Variants in SGCZ observed in about 807,000 individuals in gnomAD.
The protein encoded by SGCZ is zeta-sarcoglycan.
Under a neutral mutation model 41.3 loss-of-function variants are expected in SGCZ, and 40 were observed. The ratio of observed to expected loss-of-function variants is 0.97; its 90% CI spans 0.75 to 1.26. SGCZ has a LOEUF of 1.26. Ranked by LOEUF, SGCZ falls within the 50% of genes most tolerant of loss-of-function variation. SGCZ has a pLI of 0.00. For synonymous variants in SGCZ, 206 were observed against 137.5 expected, an observed-to-expected ratio of 1.50 and a Z score of -3.49; for missense variants, 552 against 369.8, an observed-to-expected ratio of 1.49 and a Z score of -4.04.
chr8:14,376,233 C>A lies in SGCZ; in HGVS notation c.235-52029G>T, dbSNP rs1804119864. Among the ~76,000 whole-genome samples the A allele has an allele frequency of 2.6e-5, 4 of 152,208 alleles. No homozygotes were observed. The South Asian group carries it at 8.3e-4, about 32-fold the overall frequency. ...GGCTGAGGCAGGAGAATTCCTTGAA[C>A]CTGGCAGGCGGAGGTTGCAGTGAGC... On this transcript the variant is annotated intron_variant, in intron 2 of 7. Coordinates refer to ENST00000382080, the MANE Select transcript of SGCZ (RefSeq NM_139167.4).
At chr8:14,675,445 A>T (rs908973968) in intron 1 of SGCZ, among the ~76,000 whole-genome samples, 1 of 152,192 alleles carries the variant, frequency 6.6e-6, no homozygotes, top group African/African-American at 2.4e-5. Flanking sequence ...AATATTATAT[A>T]ATAGAAGCTC....
At chr8:14,448,170 A>C (rs1800488794) in intron 2 of SGCZ, among the ~76,000 whole-genome samples, 1 of 152,210 alleles carries the variant, frequency 6.6e-6, no homozygotes, top group Admixed American at 6.5e-5. Flanking sequence ...CAAGACTCTA[A>C]ACGCTCTTGC....
Position 14,501,326 on chromosome 8 carries a change from G to C in SGCZ, c.234+53406C>G, listed in dbSNP as rs1449609580. Among the ~76,000 whole-genome samples, 5 of 151,916 alleles carry C rather than the reference G, an allele frequency of 3.3e-5. No homozygotes were observed. In the South Asian group the frequency reaches 1.0e-3, roughly 32 times the overall value. On this transcript the variant is annotated intron_variant, in intron 2 of 7. Coordinates refer to ENST00000382080, the MANE Select transcript of SGCZ (RefSeq NM_139167.4). ...ATTAGCAATCTTCATTCCATCTGCAGCATCATTTCCCTTTCGCCAAATAAC... is the reference window on the plus strand; with the variant it reads ...ATTAGCAATCTTCATTCCATCTGCACCATCATTTCCCTTTCGCCAAATAAC...
chr8:14,713,999 C>T (rs1453191115), intron 1 of SGCZ, among the ~76,000 whole-genome samples: 1 of 152,108 alleles, frequency 6.6e-6, no homozygotes, highest in Non-Finnish European at 1.5e-5. Context: ...GATGGAGTCT[C>T]ACTCTGTACC....
chr8:14,503,221 T>C (rs1802205142), intron 2 of SGCZ, among the ~76,000 whole-genome samples: 1 of 152,030 alleles, frequency 6.6e-6, no homozygotes, highest in East Asian at 1.9e-4. Flanking sequence ...CTGCATGTTC[T>C]CACTCATAAG....
chr8:15,166,044 A>T (rs961202549), intron 1 of SGCZ, among the ~76,000 whole-genome samples: 4 of 152,190 alleles, frequency 2.6e-5, no homozygotes, highest in African/African-American at 4.8e-5. Flanking sequence ...CTATTTCATA[A>T]TATCGAGTGT....
chr8:14,781,353 G>A (rs985257758), intron 1 of SGCZ, among the ~76,000 whole-genome samples: 1 of 151,944 alleles, frequency 6.6e-6, no homozygotes, highest in East Asian at 1.9e-4. Flanking sequence ...CTCTGCCTCC[G>A]GAGGAGCTGG....
At chr8:14,994,987 C>G (rs1194474963) in intron 1 of SGCZ, among the ~76,000 whole-genome samples, 1 of 152,186 alleles carries the variant, frequency 6.6e-6, no homozygotes, top group Non-Finnish European at 1.5e-5. Flanking sequence ...TGTTGTTCTT[C>G]TGTTGGAGAA....
chr8:14,237,781 G>A, intron 3 of SGCZ, 102 bp from the exon 4 acceptor site: 1 of 1,079,524 alleles, frequency 9.3e-7, no homozygotes. Flanking sequence ...AATTTAATTT[G>A]TTTGCTCTAT....
chr8:14,342,798 G>C (rs149416627), intron 2 of SGCZ, among the ~76,000 whole-genome samples: 1,686 of 152,324 alleles, frequency 0.011, 28 homozygotes, highest in African/African-American at 0.037. Context: ...ATTTGCATAA[G>C]TAGCAAGGAA....
chr8:14,522,915 CT>C (rs1405702284), intron 2 of SGCZ, among the ~76,000 whole-genome samples: 3 of 151,412 alleles, frequency 2.0e-5, no homozygotes, highest in Non-Finnish European at 4.4e-5. Context: ...TTTATGTTGT[CT>C]TTTAGTTTTT....
chr8:14,864,058 T>C (rs1187077078), intron 1 of SGCZ, among the ~76,000 whole-genome samples: 3 of 152,128 alleles, frequency 2.0e-5, no homozygotes, highest in African/African-American at 7.2e-5. Flanking sequence ...CACATCAATA[T>C]ATTTCCTGGT....
chr8:14,846,628 C>G (rs751092397), intron 1 of SGCZ, among the ~76,000 whole-genome samples: 1 of 149,552 alleles, frequency 6.7e-6, no homozygotes, highest in South Asian at 2.1e-4. Flanking sequence ...AAAAATCCCT[C>G]CAGAAGAAAT....
At chr8:14,677,099 G>A (rs535774253) in intron 1 of SGCZ, among the ~76,000 whole-genome samples, 4 of 152,076 alleles carry the variant, frequency 2.6e-5, no homozygotes, top group East Asian at 3.9e-4. Flanking sequence ...CTCTCCTGGA[G>A]CAAATAAGTG....
intron 3 of SGCZ, among the ~76,000 whole-genome samples, chr8:14,256,612 G>C (rs1419624457): frequency 6.6e-6 from 1 of 152,022 alleles, no homozygotes; most frequent in Non-Finnish European, 1.5e-5. Context: ...GCATTTTGAA[G>C]ATAAAAAACT....
At chr8:15,036,421 G>T (rs1585497666) in intron 1 of SGCZ, among the ~76,000 whole-genome samples, 1 of 152,104 alleles carries the variant, frequency 6.6e-6, no homozygotes, top group African/African-American at 2.4e-5. Context: ...AGAGTTGGAG[G>T]AGGGAGAGGA....
chr8:14,101,096 G>A (rs1205759815), intron 7 of SGCZ, among the ~76,000 whole-genome samples: 1 of 151,884 alleles, frequency 6.6e-6, no homozygotes, highest in Non-Finnish European at 1.5e-5. Context: ...GAACTGGCAT[G>A]AAAGCATCTG....
At chr8:14,291,030 T>C (rs1302139873) in intron 3 of SGCZ, among the ~76,000 whole-genome samples, 1 of 152,058 alleles carries the variant, frequency 6.6e-6, no homozygotes, top group Non-Finnish European at 1.5e-5. Context: ...AATCCTGTTG[T>C]TTGCAGCAAC....
intron 2 of SGCZ, among the ~76,000 whole-genome samples, chr8:14,459,568 G>C (rs1800843759): frequency 6.6e-6 from 1 of 152,136 alleles, no homozygotes; most frequent in African/African-American, 2.4e-5. Flanking sequence ...GGAGAAGCAA[G>C]ATATTTGAGT....
Sources: allele counts gnomAD v4.1 joint callset (sites outside exome capture counted in the v4.1 genomes callset), GRCh38; gene constraint gnomAD v4.1.1; transcripts MANE v1.5; gene names NCBI Gene and HGNC (gene_info 2026-07-23, HGNC 2026-07-21).